The following CSMD2 variants were observed in gnomAD, a reference collection of about 807,000 sequenced individuals.
CSMD2 encodes the protein CUB and Sushi multiple domains 2.
Under a neutral mutation model 398.5 loss-of-function variants are expected in CSMD2, and 130 were observed. That is an observed-to-expected ratio of 0.33 (90% CI 0.28 to 0.38). The LOEUF (loss-of-function observed/expected upper bound fraction) is 0.38. Among genes scored for constraint, CSMD2 ranks in the 10% least tolerant of loss-of-function variants. CSMD2 has a pLI of 1.00. For synonymous variants in CSMD2, 1,828 were observed against 1,908.5 expected, an observed-to-expected ratio of 0.96 and a Z score of 1.10; for missense variants, 3,829 against 4,764.9, an observed-to-expected ratio of 0.80 and a Z score of 5.78.
chr1:33,557,888 A>G lies in CSMD2; in HGVS notation c.8589T>C (p.Asn2863=). 2 of 1,535,920 alleles carry G rather than the reference A, an allele frequency of 1.3e-6. No individual in the cohort carries two copies. Among genetic ancestry groups the G allele is most frequent in the Non-Finnish European group, 1.7e-6 (2 of 1,146,858 alleles). The change falls in exon 55 of 71, where the codon AAT becomes AAC. Residue 2863 remains asparagine (N), a synonymous_variant. Transcript: ENST00000373381. ...CGCTGGCGTGGACCTGACGAACACT[A>G]TTTTCTTGGTGTCCAGGATCTGTAC... The part of the protein sequence containing the change: ...INCTDPGHQE[N]SVRQVHASGP...
In CSMD2 at chr1:33,611,053, G is replaced by C. The variant is rs367864010; in HGVS notation, c.6331C>G (p.Leu2111Val). ...TCCTTGTCCTTACCCTGATACTCCA[G>C]CTTGAATCCTGGCCGATTCTGGGAG... ...DHSQNRPGFKLEYQAYELQEC... is the reference protein window; with the variant it reads ...DHSQNRPGFKVEYQAYELQEC... Residue 2111 changes from leucine to valine, a missense_variant, in exon 41 of 71, where the codon CTG (leucine) becomes GTG (valine). By Grantham distance (32) the Leu-to-Val change is conservative (BLOSUM62 1). Transcript: ENST00000373381. 2.5e-5 allele frequency: 40 copies of C among 1,613,784 alleles called. No individual in the cohort carries two copies. Among genetic ancestry groups the C allele is most frequent in the Non-Finnish European group, 3.3e-5 (39 of 1,179,972 alleles).
chr1:34,118,138 C>A (rs1282428439), intron 1 of CSMD2, among the ~76,000 whole-genome samples: 1 of 152,132 alleles, frequency 6.6e-6, no homozygotes, highest in Non-Finnish European at 1.5e-5. Context: ...ATCACTTGAA[C>A]CCAGGAGGCG....
intron 3 of CSMD2, among the ~76,000 whole-genome samples, chr1:33,965,599 G>C (rs1249816244): frequency 6.6e-6 from 1 of 152,152 alleles, no homozygotes; most frequent in African/African-American, 2.4e-5. Flanking sequence ...ATGCTACATT[G>C]ATATTAGACA....
At chr1:33,726,516 C>T (rs765710666) in intron 16 of CSMD2, 31 bp downstream of exon 16, 9 of 1,587,134 alleles carry the variant, frequency 5.7e-6, no homozygotes, top group Non-Finnish European at 7.7e-6. Context: ...CTCCCCCTTG[C>T]CCTCTCCCCC....
At chr1:33,920,767 C>T (rs533798039) in intron 4 of CSMD2, among the ~76,000 whole-genome samples, 35 of 152,044 alleles carry the variant, frequency 2.3e-4, no homozygotes, top group Admixed American at 2.0e-4. Flanking sequence ...AGACAGCAGA[C>T]CAGAGAGGGC....
chr1:34,061,617 C>A (rs920149442), intron 2 of CSMD2, among the ~76,000 whole-genome samples: 2 of 152,178 alleles, frequency 1.3e-5, no homozygotes, highest in African/African-American at 4.8e-5. Context: ...AATGGCAACA[C>A]CTATTTCACA....
At chr1:33,567,075 T>C (rs1020121063) in intron 53 of CSMD2, among the ~76,000 whole-genome samples, 2 of 151,768 alleles carry the variant, frequency 1.3e-5, no homozygotes, top group Non-Finnish European at 2.9e-5. Flanking sequence ...TACAATGCAA[T>C]AAAATTAGAA....
intron 3 of CSMD2, among the ~76,000 whole-genome samples, chr1:34,007,248 G>A (rs1019826542): frequency 6.6e-6 from 1 of 152,118 alleles, no homozygotes; most frequent in African/African-American, 2.4e-5. Context: ...TCATGGAAGT[G>A]CCCACTCTGG....
At chr1:33,927,879 A>C (rs1048420294) in intron 4 of CSMD2, among the ~76,000 whole-genome samples, 1 of 152,168 alleles carries the variant, frequency 6.6e-6, no homozygotes, top group Non-Finnish European at 1.5e-5. Flanking sequence ...TCTTCATAGG[A>C]TGGAAAAGTA....
intron 25 of CSMD2, among the ~76,000 whole-genome samples, chr1:33,674,604 A>G (rs1001113506): frequency 2.6e-5 from 4 of 152,214 alleles, no homozygotes; most frequent in African/African-American, 4.8e-5. Context: ...TGCACCAAGC[A>G]GACCTAATAG....
chr1:33,840,364 G>A (rs1327968636), intron 6 of CSMD2, among the ~76,000 whole-genome samples: 1 of 152,092 alleles, frequency 6.6e-6, no homozygotes, highest in African/African-American at 2.4e-5. Context: ...CTTATTTGTA[G>A]GTACCCAGGA....
At chr1:34,013,167 CGTTGCA>C (rs1647600192) in intron 3 of CSMD2, among the ~76,000 whole-genome samples, 1 of 152,208 alleles carries the variant, frequency 6.6e-6, no homozygotes, top group African/African-American at 2.4e-5. Flanking sequence ...TGAAAGCAGA[CGTTGCA>C]GTTTCCTTTC....
chr1:33,846,641 A>T (rs977020616), intron 6 of CSMD2, among the ~76,000 whole-genome samples: 6 of 152,174 alleles, frequency 3.9e-5, no homozygotes, highest in Admixed American at 2.6e-4. Flanking sequence ...AACTATTATG[A>T]TTAGCCTGGC....
chr1:33,869,589 G>T (rs1296866322), intron 5 of CSMD2, among the ~76,000 whole-genome samples: 14 of 152,212 alleles, frequency 9.2e-5, no homozygotes, highest in Non-Finnish European at 4.4e-5. Context: ...CCCAGAGTTT[G>T]ATTTAGTATT....
chr1:33,979,073 T>C (rs1344721378), intron 3 of CSMD2, among the ~76,000 whole-genome samples: 3 of 152,184 alleles, frequency 2.0e-5, no homozygotes, highest in Non-Finnish European at 4.4e-5. Flanking sequence ...GCTCCTGGAC[T>C]TGAACTCCAC....
At chr1:34,097,001 A>G (rs1183582033) in intron 1 of CSMD2, among the ~76,000 whole-genome samples, 5 of 149,812 alleles carry the variant, frequency 3.3e-5, no homozygotes, top group African/African-American at 1.2e-4. Context: ...ACACTACCTG[A>G]CTTCAAACTA....
At chr1:33,836,133 G>C in intron 6 of CSMD2, among the ~76,000 whole-genome samples, 1 of 152,240 alleles carries the variant, frequency 6.6e-6, no homozygotes, top group Non-Finnish European at 1.5e-5. Context: ...GTCCACTCCA[G>C]ACCCTGTTTG....
At chr1:33,751,777 C>T (rs1368277229) in intron 13 of CSMD2, among the ~76,000 whole-genome samples, 1 of 151,228 alleles carries the variant, frequency 6.6e-6, no homozygotes, top group Non-Finnish European at 1.5e-5. Context: ...TGCCACCACG[C>T]CCAGCTAATT....
intron 5 of CSMD2, among the ~76,000 whole-genome samples, chr1:33,848,937 T>C (rs946526527): frequency 3.3e-5 from 5 of 151,986 alleles, no homozygotes; most frequent in African/African-American, 1.2e-4. Context: ...AAGCTCTTTA[T>C]TGCAAAATGG....
Sources: allele counts gnomAD v4.1 joint callset (sites outside exome capture counted in the v4.1 genomes callset), GRCh38; gene constraint gnomAD v4.1.1; transcripts MANE v1.5; gene names NCBI Gene and HGNC (gene_info 2026-07-23, HGNC 2026-07-21).